Variants in POU6F2 observed in about 807,000 individuals in gnomAD.
The protein encoded by POU6F2 is POU domain, class 6, transcription factor 2.
In POU6F2, 31 loss-of-function variants were observed where a neutral mutation model predicts 71.3. That is an observed-to-expected ratio of 0.43 (90% CI 0.33 to 0.59). The LOEUF (loss-of-function observed/expected upper bound fraction) is 0.59. Ranked by LOEUF, POU6F2 falls within the 20% of genes least tolerant of loss-of-function variation. The pLI is 0.04. For missense variants in POU6F2, 783 were observed against 856.8 expected, an observed-to-expected ratio of 0.91 and a Z score of 1.07; for synonymous variants, 347 against 355.7, an observed-to-expected ratio of 0.98 and a Z score of 0.27.
chr7:39,367,464 C>G (rs1786524586), intron 5 of POU6F2, among the ~76,000 whole-genome samples: 1 of 152,060 alleles, frequency 6.6e-6, no homozygotes, highest in Non-Finnish European at 1.5e-5. Context: ...ATGAGTTTTC[C>G]CAGAAGAGGT....
intron 1 of POU6F2, among the ~76,000 whole-genome samples, chr7:39,027,035 A>C (rs1789822657): frequency 6.6e-6 from 1 of 152,126 alleles, no homozygotes; most frequent in African/African-American, 2.4e-5. Flanking sequence ...TGACCGTCCA[A>C]CTTTCTGATG....
At chr7:39,184,484 A>G (rs2128742055) in intron 2 of POU6F2, among the ~76,000 whole-genome samples, 1 of 152,344 alleles carries the variant, frequency 6.6e-6, no homozygotes, top group African/African-American at 2.4e-5. Context: ...TTCCAGCTGA[A>G]TTACCAGCTT....
intron 1 of POU6F2, among the ~76,000 whole-genome samples, chr7:38,984,596 A>G (rs1788414499): frequency 6.6e-6 from 1 of 152,184 alleles, no homozygotes; most frequent in Non-Finnish European, 1.5e-5. Flanking sequence ...GAATTAAAAA[A>G]CAAAGTCTAA....
At chr7:39,013,012 C>A (rs1405808231) in intron 1 of POU6F2, 1 of 152,274 alleles carries the variant, frequency 6.6e-6, no homozygotes, top group Non-Finnish European at 1.5e-5. Flanking sequence ...AGAGGTGGAG[C>A]CTACAGAGGC....
intron 5 of POU6F2, among the ~76,000 whole-genome samples, chr7:39,353,070 TCTTGGC>T (rs1394939082): frequency 1.3e-5 from 2 of 152,210 alleles, no homozygotes; most frequent in Non-Finnish European, 2.9e-5. Flanking sequence ...CTTTCAAAGG[TCTTGGC>T]CTGACTTTGC....
At chr7:39,245,859 C>T (rs1783809782) in intron 4 of POU6F2, among the ~76,000 whole-genome samples, 1 of 152,062 alleles carries the variant, frequency 6.6e-6, no homozygotes, top group Non-Finnish European at 1.5e-5. Flanking sequence ...TTGTTGCTGC[C>T]CTCACCACTA....
intron 4 of POU6F2, among the ~76,000 whole-genome samples, chr7:39,333,371 T>A (rs1469084651): frequency 6.6e-6 from 1 of 152,182 alleles, no homozygotes. Flanking sequence ...TTTCCAGATG[T>A]CTATTTCTTT....
chr7:39,255,901 C>CTTT (rs1784011029), intron 4 of POU6F2, among the ~76,000 whole-genome samples: 1 of 152,184 alleles, frequency 6.6e-6, no homozygotes. Flanking sequence ...GTATCTTCTG[C>CTTT]TTTTCTAGCC....
intron 4 of POU6F2, among the ~76,000 whole-genome samples, chr7:39,313,322 C>T (rs918621077): frequency 1.3e-5 from 2 of 151,958 alleles, no homozygotes; most frequent in East Asian, 3.9e-4. Context: ...TTAATGAGAC[C>T]TTCCTTGCTG....
intron 5 of POU6F2, among the ~76,000 whole-genome samples, chr7:39,360,765 G>A (rs988865765): frequency 3.9e-5 from 6 of 152,304 alleles, no homozygotes; most frequent in African/African-American, 1.4e-4. Flanking sequence ...AACAAGGGGT[G>A]GATTATTTAT....
chr7:39,122,781 C>G (rs1792069964), intron 2 of POU6F2, among the ~76,000 whole-genome samples: 1 of 148,298 alleles, frequency 6.7e-6, no homozygotes. Flanking sequence ...GATCTCGGCT[C>G]TCTGCAACCT....
At chr7:39,216,141 A>G (rs1308590556) in intron 4 of POU6F2, among the ~76,000 whole-genome samples, 1 of 152,188 alleles carries the variant, frequency 6.6e-6, no homozygotes, top group East Asian at 1.9e-4. Flanking sequence ...AGGAAAATAA[A>G]TAACCCTAAA....
intron 4 of POU6F2, among the ~76,000 whole-genome samples, chr7:39,292,305 A>G (rs7807925): frequency 0.019 from 2,863 of 152,302 alleles, 48 homozygotes; most frequent in Middle Eastern, 0.051. Context: ...AATTTTGATG[A>G]ATCCATTCCC....
At chr7:39,192,452 C>A (rs780072414) in intron 2 of POU6F2, among the ~76,000 whole-genome samples, 1 of 152,060 alleles carries the variant, frequency 6.6e-6, no homozygotes, top group Non-Finnish European at 1.5e-5. Flanking sequence ...TCTTCATGGA[C>A]CCTCACAAAT....
At chr7:39,292,913 G>T (rs1784787994) in intron 4 of POU6F2, among the ~76,000 whole-genome samples, 1 of 152,104 alleles carries the variant, frequency 6.6e-6, no homozygotes, top group African/African-American at 2.4e-5. Context: ...AACCAAAAAA[G>T]AAAACATCAG....
chr7:39,070,504 TA>T (rs1790855906), intron 1 of POU6F2, among the ~76,000 whole-genome samples: 1 of 152,004 alleles, frequency 6.6e-6, no homozygotes, highest in African/African-American at 2.4e-5. Flanking sequence ...TGATTGGAAT[TA>T]AATTCCACGT....
At chr7:39,035,434 G>GA (rs1313485569) in intron 1 of POU6F2, among the ~76,000 whole-genome samples, 2 of 151,834 alleles carry the variant, frequency 1.3e-5, no homozygotes, top group African/African-American at 4.8e-5. Flanking sequence ...GAAGGCGAGT[G>GA]AAAAAAATGG....
intron 1 of POU6F2, among the ~76,000 whole-genome samples, chr7:39,012,062 C>T (rs1480590644): frequency 2.2e-4 from 34 of 151,926 alleles, no homozygotes; most frequent in East Asian, 2.1e-3. Context: ...TGAATCTGAA[C>T]GTTGGCCTGC....
chr7:39,291,507 C>A (rs1039752617), intron 4 of POU6F2, among the ~76,000 whole-genome samples: 9 of 152,154 alleles, frequency 5.9e-5, no homozygotes, highest in Non-Finnish European at 1.3e-4. Context: ...AGCTTTAGAC[C>A]GGCTATGATT....
Sources: gnomAD v4.1 joint callset for allele counts (sites outside exome capture counted in the v4.1 genomes callset) on GRCh38, gnomAD v4.1.1 for gene constraint, MANE v1.5 for transcripts, NCBI Gene and HGNC (gene_info 2026-07-23, HGNC 2026-07-21) for gene names.